PIRT: variants seen among roughly 807,000 people sequenced by gnomAD.
The protein encoded by PIRT is phosphoinositide-interacting protein.
Under a neutral mutation model 7.9 loss-of-function variants are expected in PIRT, and 6 were observed. The ratio of observed to expected loss-of-function variants is 0.76; its 90% CI spans 0.42 to 1.51. The LOEUF is 1.51. Ranked by LOEUF, PIRT falls within the 40% of genes most tolerant of loss-of-function variation. The probability of loss-of-function intolerance (pLI) is 0.01; values close to 1 mark genes in which losing one functional copy is unlikely to be tolerated. For missense variants in PIRT, 170 were observed against 172.9 expected (o/e 0.98, Z 0.09); for synonymous variants, 78 against 71.8 (o/e 1.09, Z -0.44).
chr17:10,823,998 T>A lies in PIRT; in HGVS notation c.*1234A>T, dbSNP rs1905260007. 6.6e-6 allele frequency: 1 copy of A among 152,312 alleles called. No homozygotes were observed. The highest frequency in any genetic ancestry group is 2.1e-4 in the South Asian group (1 of 4,830). The allele number at this position is 152,312 out of a possible 1,614,324, so 9.4% of individuals were successfully genotyped here. A position where few individuals can be genotyped will look rare whatever the true frequency, so the allele number is the denominator to read the frequency against. Reference sequence around the variant, plus strand: ...TCCTGCTGCTTCCAATGCCATTCTTTCCCCTCTTTGGTAACTCTTATCTTT... The same window carrying A: ...TCCTGCTGCTTCCAATGCCATTCTTACCCCTCTTTGGTAACTCTTATCTTT... On this transcript the variant is annotated 3_prime_UTR_variant, in exon 2 of 2. Transcript: ENST00000580256.
chr17:10,827,459 T>C (rs1905352292), intron 1 of PIRT, among the ~76,000 whole-genome samples: 1 of 137,776 alleles, frequency 7.3e-6, no homozygotes, highest in Non-Finnish European at 1.5e-5. Context: ...TCTTTCTTTT[T>C]CTTTTCTTTT....
At chr17:10,830,123 G>A (rs557004414) in intron 1 of PIRT, among the ~76,000 whole-genome samples, 1 of 152,198 alleles carries the variant, frequency 6.6e-6, no homozygotes, top group Non-Finnish European at 1.5e-5. Flanking sequence ...GCACTTCTAG[G>A]CAATGACTGA....
intron 1 of PIRT, among the ~76,000 whole-genome samples, chr17:10,836,421 G>A (rs1251998829): frequency 2.6e-5 from 4 of 152,174 alleles, no homozygotes; most frequent in East Asian, 1.9e-4. Context: ...AAACTACAAG[G>A]TGTCCAGTTA....
In PIRT at chr17:10,823,141, G is replaced by T. The variant is rs532060166; in HGVS notation, c.*2091C>A. The T allele has an allele frequency of 4.6e-5, 7 of 152,286 alleles. No individual in the cohort carries two copies. The highest frequency in any genetic ancestry group is 4.6e-4 in the Admixed American group (7 of 15,300). 9.4% of individuals were successfully genotyped at this position (152,286 alleles called of 1,614,324 possible). ...AGGAATGCAAGAGTAATATTATAGG[G>T]CCATCAAATCTGCATTCATCTCAGA... On this transcript the variant is annotated 3_prime_UTR_variant, in exon 2 of 2. Transcript: ENST00000580256.
At chr17:10,829,295 C>T (rs1212652087) in intron 1 of PIRT, among the ~76,000 whole-genome samples, 2 of 152,078 alleles carry the variant, frequency 1.3e-5, no homozygotes, top group East Asian at 3.9e-4. Flanking sequence ...ATAGCTGGGG[C>T]TGGGCAGGGG....
Position 10,822,789 on chromosome 17 carries a change from T to G in PIRT, c.*2443A>C, listed in dbSNP as rs965101920. 2 of 152,166 alleles carry G rather than the reference T, an allele frequency of 1.3e-5. No homozygotes were observed. Among genetic ancestry groups the G allele is most frequent in the Non-Finnish European group, 2.9e-5 (2 of 68,018 alleles). The allele number at this position is 152,166 out of a possible 1,614,324, so 9.4% of individuals were successfully genotyped here. On this transcript the variant is annotated 3_prime_UTR_variant, in exon 2 of 2. Coordinates refer to ENST00000580256, the MANE Select transcript of PIRT (RefSeq NM_001101387.2). Reference sequence around the variant, plus strand: ...CTGGAACCTTTCCAGCCCACACTCATGTGGAGGATCCCAGTGGGGATGACG... The same window carrying G: ...CTGGAACCTTTCCAGCCCACACTCAGGTGGAGGATCCCAGTGGGGATGACG...
rs780812633 is a variant in PIRT, at chr17:10,825,327, C to G, written c.319G>C (p.Gly107Arg). ...TTGATGATGGGCACCCACACCAGCC[C>G]GCACACCAGCATCATGAGTCCCAGG... ...LSLGLMMLVC[G>R]LVWVPIIKKK... Residue 107 changes from glycine (G) to arginine (R), a missense_variant, in exon 2 of 2, where the codon GGG becomes CGG. Transcript: ENST00000580256. 3.1e-6 allele frequency: 5 copies of G among 1,613,906 alleles called. No individual in the cohort carries two copies. The highest frequency in any genetic ancestry group is 1.7e-6 in the Non-Finnish European group (2 of 1,179,886).
At chr17:10,834,354 C>T (rs1269908135) in intron 1 of PIRT, among the ~76,000 whole-genome samples, 4 of 152,024 alleles carry the variant, frequency 2.6e-5, no homozygotes, top group Middle Eastern at 3.4e-3. Context: ...TGGAAGAGAT[C>T]GGATATGAAA....
At chr17:10,832,683 A>G (rs1427006008) in intron 1 of PIRT, among the ~76,000 whole-genome samples, 3 of 152,248 alleles carry the variant, frequency 2.0e-5, no homozygotes, top group Non-Finnish European at 4.4e-5. Context: ...CCAATTGTAC[A>G]AAGGCACTGG....
At position 10,825,111 on chromosome 17, in the gene PIRT, G is replaced by A. The variant is rs1226091649; in HGVS notation, c.*121C>T. On this transcript the variant is annotated 3_prime_UTR_variant, in exon 2 of 2. Coordinates refer to ENST00000580256, the MANE Select transcript of PIRT (RefSeq NM_001101387.2). ...GCCCCAAGCTCTATCTTCCCCACAGGGTCAGGAAGAGCATTTTCCTGGATC... is the reference window on the plus strand; with the variant it reads ...GCCCCAAGCTCTATCTTCCCCACAGAGTCAGGAAGAGCATTTTCCTGGATC... 7.7e-7 allele frequency: 1 copy of A among 1,295,088 alleles called. No individual in the cohort carries two copies. The highest frequency in any genetic ancestry group is 1.1e-6 in the Non-Finnish European group (1 of 946,926). The allele number at this position is 1,295,088 out of a possible 1,614,324, so 80.2% of individuals were successfully genotyped here.
At position 10,825,453 on chromosome 17, in the gene PIRT, T is replaced by TG; in HGVS notation, c.192dup (p.Ile65HisfsTer19). 1 of 1,613,932 alleles carries TG rather than the reference T, an allele frequency of 6.2e-7. No homozygotes were observed. Among genetic ancestry groups the TG allele is most frequent in the Non-Finnish European group, 8.5e-7 (1 of 1,179,876 alleles). ...GTGATGACCACGCCGAAAAGCAGGA[T>TG]GGCACCGCCCACTGACATGATAACG... On this transcript the variant is annotated frameshift_variant, in exon 2 of 2. Coordinates refer to ENST00000580256, the MANE Select transcript of PIRT (RefSeq NM_001101387.2). LOFTEE classifies it high-confidence loss of function.
intron 1 of PIRT, among the ~76,000 whole-genome samples, chr17:10,831,891 G>A (rs1031403651): frequency 6.6e-6 from 1 of 152,116 alleles, no homozygotes; most frequent in African/African-American, 2.4e-5. Flanking sequence ...GGAGAAGGGC[G>A]GATGGGTCCT....
chr17:10,834,512 A>G (rs1905537190), intron 1 of PIRT, among the ~76,000 whole-genome samples: 1 of 152,184 alleles, frequency 6.6e-6, no homozygotes, highest in African/African-American at 2.4e-5. Flanking sequence ...GTCGATGGAC[A>G]TGTTCTATGC....
At chr17:10,830,135 A>G (rs575378882) in intron 1 of PIRT, among the ~76,000 whole-genome samples, 1 of 152,326 alleles carries the variant, frequency 6.6e-6, no homozygotes, top group Admixed American at 6.5e-5. Context: ...AATGACTGAA[A>G]GAGAAGCAGT....
intron 1 of PIRT, among the ~76,000 whole-genome samples, chr17:10,834,882 G>A (rs917454735): frequency 2.0e-5 from 3 of 149,906 alleles, no homozygotes; most frequent in Admixed American, 2.0e-4. Context: ...GAGCCACTGC[G>A]CCCAGCGTTG....
Position 10,825,583 on chromosome 17 carries a change from G to A in PIRT, c.63C>T (p.Asp21=). 6.4e-7 allele frequency: 1 copy of A among 1,572,492 alleles called. No individual in the cohort carries two copies. The highest frequency in any genetic ancestry group is 8.6e-7 in the Non-Finnish European group (1 of 1,158,654). Residue 21 remains aspartate, a synonymous_variant, in exon 2 of 2, where the codon GAC becomes GAT. Coordinates refer to ENST00000580256, the MANE Select transcript of PIRT (RefSeq NM_001101387.2). ...AGCTGGCGGTCTGGCTGGGCAGCAG[G>A]TCCTTGGCTTCTGGAGACTTCTCAT... The part of the protein sequence containing the change: ...EVDEKSPEAK[D]LLPSQTASSL...
rs950978331 is a variant in PIRT at position 10,823,913 on chromosome 17, A to T, written c.*1319T>A. ...TGGGAGGTCAGACAAATGGCCGTGC[A>T]GTTTCCTAATTCCATCATGCTTCTC... On this transcript the variant is annotated 3_prime_UTR_variant, in exon 2 of 2. Transcript: ENST00000580256. The T allele has an allele frequency of 6.6e-6, 1 of 152,274 alleles. No homozygotes were observed. The highest frequency in any genetic ancestry group is 1.5e-5 in the Non-Finnish European group (1 of 68,058). The allele number at this position is 152,274 out of a possible 1,614,324, so 9.4% of individuals were successfully genotyped here.
chr17:10,835,225 G>A (rs929775535), intron 1 of PIRT, among the ~76,000 whole-genome samples: 15 of 152,172 alleles, frequency 9.9e-5, no homozygotes, highest in African/African-American at 2.4e-4. Flanking sequence ...GAAGCCATGC[G>A]GCTGGGGAGG....
At chr17:10,836,491 C>A (rs1008176134) in intron 1 of PIRT, among the ~76,000 whole-genome samples, 2 of 152,202 alleles carry the variant, frequency 1.3e-5, no homozygotes, top group Non-Finnish European at 2.9e-5. Context: ...TCCAGTATTG[C>A]ATGGGACCAA....
Sources: allele counts gnomAD v4.1 joint callset (sites outside exome capture counted in the v4.1 genomes callset), GRCh38; gene constraint gnomAD v4.1.1; transcripts MANE v1.5; gene names NCBI Gene and HGNC (gene_info 2026-07-23, HGNC 2026-07-21).